The following SLC24A2 variants were observed in gnomAD, a reference collection of about 807,000 sequenced individuals.
The protein encoded by SLC24A2 is sodium/potassium/calcium exchanger 2.
In SLC24A2, 36 loss-of-function variants were observed where a neutral mutation model predicts 62.0. That is an observed-to-expected ratio of 0.58 (90% CI 0.44 to 0.77). The LOEUF (loss-of-function observed/expected upper bound fraction) is 0.77. Among genes scored for constraint, SLC24A2 ranks in the 30% least tolerant of loss-of-function variants. The pLI is 0.00. For missense variants in SLC24A2, 846 were observed against 817.9 expected (o/e 1.03, Z -0.42); for synonymous variants, 358 against 294.0 (o/e 1.22, Z -2.23).
At chr9:19,835,907 T>G in the SLC24A2 span, among the ~76,000 whole-genome samples, 1 of 152,176 alleles carries the variant, frequency 6.6e-6, no homozygotes, top group African/African-American at 2.4e-5. Context: ...AAACTAGAAC[T>G]CAGGATTAAG....
chr9:19,647,141 G>C (rs1159345677), intron 2 of SLC24A2, among the ~76,000 whole-genome samples: 1 of 148,888 alleles, frequency 6.7e-6, no homozygotes, highest in African/African-American at 2.5e-5. Flanking sequence ...AGGGTTCATA[G>C]CCTTCTTTGA....
the SLC24A2 span, among the ~76,000 whole-genome samples, chr9:19,839,258 T>C: frequency 6.6e-6 from 1 of 152,150 alleles, no homozygotes; most frequent in Non-Finnish European, 1.5e-5. Flanking sequence ...CTGGAGAGGA[T>C]GTGGAGAAAT....
intron 2 of SLC24A2, among the ~76,000 whole-genome samples, chr9:19,777,543 A>C (rs534044345): frequency 6.6e-6 from 1 of 152,304 alleles, no homozygotes; most frequent in Non-Finnish European, 1.5e-5. Context: ...GATAATACTA[A>C]ACAGTAAATA....
chr9:19,606,292 T>G (rs912537621), intron 4 of SLC24A2, among the ~76,000 whole-genome samples: 1 of 152,224 alleles, frequency 6.6e-6, no homozygotes, highest in African/African-American at 2.4e-5. Flanking sequence ...TAAAATGAGA[T>G]TGATTTACTA....
chr9:20,282,927 C>G, the SLC24A2 span, among the ~76,000 whole-genome samples: 2 of 152,212 alleles, frequency 1.3e-5, no homozygotes, highest in Non-Finnish European at 2.9e-5. Flanking sequence ...GCACACACCT[C>G]TGATTATTTC....
chr9:19,567,669 C>G (rs1835711910), intron 7 of SLC24A2, among the ~76,000 whole-genome samples: 1 of 137,126 alleles, frequency 7.3e-6, no homozygotes, highest in African/African-American at 2.7e-5. Context: ...TAAGTAAATG[C>G]TAGTAAATTT....
chr9:19,849,233 T>C, the SLC24A2 span, among the ~76,000 whole-genome samples: 2 of 152,116 alleles, frequency 1.3e-5, no homozygotes, highest in Non-Finnish European at 2.9e-5. Flanking sequence ...CAAGCACATA[T>C]AGGGCCAAAT....
the SLC24A2 span, among the ~76,000 whole-genome samples, chr9:20,233,306 G>C: frequency 1.3e-5 from 2 of 152,064 alleles, no homozygotes; most frequent in Admixed American, 6.5e-5. Context: ...TCGTTGATCT[G>C]TCTAATGTTG....
At chr9:19,595,899 A>G (rs1373562078) in intron 5 of SLC24A2, among the ~76,000 whole-genome samples, 1 of 152,152 alleles carries the variant, frequency 6.6e-6, no homozygotes. Context: ...CCTTAAATGT[A>G]TAAATGGCTC....
the SLC24A2 span, among the ~76,000 whole-genome samples, chr9:20,021,702 C>A: frequency 6.6e-6 from 1 of 151,870 alleles, no homozygotes; most frequent in African/African-American, 2.4e-5. Flanking sequence ...CCAACTCCCC[C>A]CTGGCCCCCA....
chr9:19,642,032 A>C (rs1818509363), intron 2 of SLC24A2, among the ~76,000 whole-genome samples: 1 of 152,112 alleles, frequency 6.6e-6, no homozygotes, highest in Non-Finnish European at 1.5e-5. Flanking sequence ...ACTCGGTGGA[A>C]GGAGCAGTCG....
intron 2 of SLC24A2, among the ~76,000 whole-genome samples, chr9:19,746,899 G>T (rs1821848473): frequency 1.3e-5 from 2 of 152,072 alleles, no homozygotes; most frequent in Admixed American, 1.3e-4. Flanking sequence ...CTGTATTTCA[G>T]AATGTAATTC....
chr9:19,969,551 C>T, the SLC24A2 span, among the ~76,000 whole-genome samples: 2 of 152,118 alleles, frequency 1.3e-5, no homozygotes, highest in Non-Finnish European at 2.9e-5. Context: ...CAGAGATGTC[C>T]ACAGTAAGTT....
chr9:20,097,989 G>A, the SLC24A2 span, among the ~76,000 whole-genome samples: 2 of 151,418 alleles, frequency 1.3e-5, no homozygotes, highest in Non-Finnish European at 2.9e-5. Context: ...TGATTCGCCC[G>A]CCTCGGCCTC....
the SLC24A2 span, among the ~76,000 whole-genome samples, chr9:19,937,442 C>A: frequency 0.48 from 72,706 of 152,064 alleles, 17,835 homozygotes; most frequent in Non-Finnish European, 0.51. Context: ...TCCATGAGAA[C>A]TCAGCTCCTT....
At chr9:20,282,101 TAGG>T in the SLC24A2 span, among the ~76,000 whole-genome samples, 125 of 152,264 alleles carry the variant, frequency 8.2e-4, 1 homozygote, top group African/African-American at 2.7e-3. Flanking sequence ...ATTAAAATGA[TAGG>T]AGGAGAAAGA....
chr9:19,914,935 T>C, the SLC24A2 span, among the ~76,000 whole-genome samples: 1 of 152,066 alleles, frequency 6.6e-6, no homozygotes, highest in Non-Finnish European at 1.5e-5. Context: ...AACATGTATT[T>C]TAATAATTTA....
chr9:19,805,783 G>A, the SLC24A2 span, among the ~76,000 whole-genome samples: 1 of 146,952 alleles, frequency 6.8e-6, no homozygotes, highest in Non-Finnish European at 1.5e-5. Flanking sequence ...TCCACTGTTA[G>A]ATTCTGGTTT....
At chr9:20,038,822 G>A in the SLC24A2 span, among the ~76,000 whole-genome samples, 1 of 152,082 alleles carries the variant, frequency 6.6e-6, no homozygotes, top group Non-Finnish European at 1.5e-5. Context: ...ACCACATGGA[G>A]GCACAGAATA....
Sources: allele counts gnomAD v4.1 joint callset (sites outside exome capture counted in the v4.1 genomes callset), GRCh38; gene constraint gnomAD v4.1.1; transcripts MANE v1.5; gene names NCBI Gene and HGNC (gene_info 2026-07-23, HGNC 2026-07-21).